HIF1A: variants seen among roughly 807,000 people sequenced by gnomAD.
The protein encoded by HIF1A is hypoxia-inducible factor 1-alpha.
In HIF1A, 24 loss-of-function variants were observed where a neutral mutation model predicts 92.7. That is an observed-to-expected ratio of 0.26 (90% confidence interval 0.19 to 0.36). The LOEUF (loss-of-function observed/expected upper bound fraction) is 0.36, where lower values mean the gene tolerates loss of function less well. Ranked by LOEUF, HIF1A falls within the 10% of genes least tolerant of loss-of-function variation. HIF1A has a pLI of 1.00. For synonymous variants in HIF1A, 319 were observed against 338.7 expected, an observed-to-expected ratio of 0.94 and a Z score of 0.64; for missense variants, 799 against 998.5, an observed-to-expected ratio of 0.80 and a Z score of 2.69.
chr14:61,727,995 G>A (rs917174140), intron 6 of HIF1A, among the ~76,000 whole-genome samples: 1 of 143,438 alleles, frequency 7.0e-6, no homozygotes, highest in Non-Finnish European at 1.5e-5. Context: ...TGCAAGCCTG[G>A]ATGACAGAGC....
chr14:61,704,160 G>C (rs1047276884), intron 1 of HIF1A, among the ~76,000 whole-genome samples: 1 of 152,148 alleles, frequency 6.6e-6, no homozygotes, highest in East Asian at 1.9e-4. Flanking sequence ...CACAAAGTAA[G>C]GGCTTAATTA....
intron 1 of HIF1A, among the ~76,000 whole-genome samples, chr14:61,700,345 TTC>T (rs1396180816): frequency 6.6e-6 from 1 of 152,156 alleles, no homozygotes; most frequent in Non-Finnish European, 1.5e-5. Context: ...CCATTTTACT[TTC>T]TGTTTCTGCA....
chr14:61,732,651 G>A, intron 7 of HIF1A, 127 bp downstream of exon 7: 1 of 528,124 alleles, frequency 1.9e-6, no homozygotes, highest in Non-Finnish European at 3.4e-6. Flanking sequence ...GGCCTATTCA[G>A]TAGAGATCTT....
In HIF1A at chr14:61,695,803, C is replaced by A; in HGVS notation, c.-2C>A. 1 of 1,597,020 alleles carries A rather than the reference C, an allele frequency of 6.3e-7. No homozygotes were observed. Among genetic ancestry groups the A allele is most frequent in the Non-Finnish European group, 8.5e-7 (1 of 1,173,376 alleles). ...TGAAGACATCGCGGGGACCGATTCA[C>A]CATGGAGGGCGCCGGCGGCGCGAAC... On this transcript the variant is annotated 5_prime_UTR_variant, in exon 1 of 15. Transcript: ENST00000337138.
chr14:61,711,152 C>T (rs1284265648), intron 1 of HIF1A, among the ~76,000 whole-genome samples: 1 of 151,126 alleles, frequency 6.6e-6, no homozygotes, highest in African/African-American at 2.4e-5. Context: ...TTAGTAAACT[C>T]CTGTTTCTGC....
chr14:61,733,797 T>C (rs1036174387), intron 7 of HIF1A, among the ~76,000 whole-genome samples: 31 of 152,178 alleles, frequency 2.0e-4, no homozygotes, highest in Non-Finnish European at 4.4e-5. Context: ...AAGGAAGTTA[T>C]TGTGGCACCA....
chr14:61,718,052 A>G (rs896848143), intron 1 of HIF1A, among the ~76,000 whole-genome samples: 6 of 151,820 alleles, frequency 4.0e-5, no homozygotes, highest in Non-Finnish European at 5.9e-5. Context: ...AGCACATATT[A>G]TAAGGTTTTC....
chr14:61,698,403 T>C (rs534583386), intron 1 of HIF1A, among the ~76,000 whole-genome samples: 13 of 152,352 alleles, frequency 8.5e-5, no homozygotes, highest in African/African-American at 2.9e-4. Flanking sequence ...TCTTTCCTCC[T>C]TTTGAAATGA....
intron 1 of HIF1A, among the ~76,000 whole-genome samples, chr14:61,703,019 GCTCTTAATACT>G (rs2044195066): frequency 6.6e-6 from 1 of 152,120 alleles, no homozygotes; most frequent in Non-Finnish European, 1.5e-5. Flanking sequence ...ATAATATATG[GCTCTTAATACT>G]CTCCAGATTT....
intron 1 of HIF1A, among the ~76,000 whole-genome samples, chr14:61,715,204 C>G (rs1377743372): frequency 1.3e-5 from 2 of 152,116 alleles, no homozygotes; most frequent in African/African-American, 4.8e-5. Flanking sequence ...TTGGCATTAC[C>G]GGAAGGGATT....
At chr14:61,700,847 G>A (rs2044169721) in intron 1 of HIF1A, among the ~76,000 whole-genome samples, 1 of 152,072 alleles carries the variant, frequency 6.6e-6, no homozygotes, top group Admixed American at 6.5e-5. Context: ...ATCTAATGTG[G>A]CAAAGTGGTA....
intron 1 of HIF1A, among the ~76,000 whole-genome samples, chr14:61,697,085 C>T (rs1415877164): frequency 6.6e-6 from 1 of 152,194 alleles, no homozygotes; most frequent in Non-Finnish European, 1.5e-5. Flanking sequence ...GCTGTTAAAT[C>T]CTTCCACTCT....
chr14:61,695,692 C>G lies in HIF1A; in HGVS notation c.-113C>G, dbSNP rs562712065. On this transcript the variant is annotated 5_prime_UTR_variant, in exon 1 of 15. Transcript: ENST00000337138. ...CGAGGGGTTTCCCGCCTCGCACCCC[C>G]ACCTCTGGACTTGCCTTTCCTTCTC... The G allele has an allele frequency of 2.6e-6, 3 of 1,154,350 alleles. No homozygotes were observed. The highest frequency in any genetic ancestry group is 3.7e-6 in the Non-Finnish European group (3 of 815,454). The allele number at this position is 1,154,350 out of a possible 1,614,324, so 71.5% of individuals were successfully genotyped here. A position where few individuals can be genotyped will look rare whatever the true frequency, so the allele number is the denominator to read the frequency against.
chr14:61,712,035 T>G (rs997607724), intron 1 of HIF1A, among the ~76,000 whole-genome samples: 1 of 152,170 alleles, frequency 6.6e-6, no homozygotes, highest in Non-Finnish European at 1.5e-5. Flanking sequence ...GAACTTACTT[T>G]CCAGTGAAGG....
At chr14:61,730,698 CATT>C (rs2044566256) in intron 6 of HIF1A, among the ~76,000 whole-genome samples, 1 of 152,152 alleles carries the variant, frequency 6.6e-6, no homozygotes, top group South Asian at 2.1e-4. Flanking sequence ...GCATTTATCA[CATT>C]ATTTCCTAAG....
chr14:61,722,700 T>G (rs2044448474), intron 4 of HIF1A, among the ~76,000 whole-genome samples: 1 of 152,220 alleles, frequency 6.6e-6, no homozygotes, highest in Non-Finnish European at 1.5e-5. Context: ...ATTTGACTTC[T>G]TTGGATGTTC....
chr14:61,733,682 T>C lies in HIF1A; in HGVS notation c.881-456T>C, dbSNP rs554600319. The stretch of plus-strand genomic sequence containing the variant: ...ACTTTCTCCCAAATCAGTATTTAAT[T>C]TAAATTGCCAAAAGACTTACAATGT... On this transcript the variant is annotated intron_variant, in intron 7 of 14. Coordinates refer to ENST00000337138, the MANE Select transcript of HIF1A (RefSeq NM_001530.4). Among the ~76,000 whole-genome samples, 3 of 152,348 alleles carry C rather than the reference T, an allele frequency of 2.0e-5. No homozygotes were observed. The East Asian group carries it at 5.8e-4, about 29-fold the overall frequency.
chr14:61,744,461 A>G (rs1247259642), intron 12 of HIF1A, among the ~76,000 whole-genome samples: 1 of 151,156 alleles, frequency 6.6e-6, no homozygotes, highest in Non-Finnish European at 1.5e-5. Context: ...TGCAGTAAGC[A>G]GAGATCACGT....
At chr14:61,744,310 C>T (rs933919811) in intron 12 of HIF1A, among the ~76,000 whole-genome samples, 4 of 151,914 alleles carry the variant, frequency 2.6e-5, no homozygotes, top group Admixed American at 2.0e-4. Flanking sequence ...AGATCACTTG[C>T]GCTCAGGAGT....
Sources: allele counts gnomAD v4.1 joint callset (sites outside exome capture counted in the v4.1 genomes callset), GRCh38; gene constraint gnomAD v4.1.1; transcripts MANE v1.5; gene names NCBI Gene and HGNC (gene_info 2026-07-23, HGNC 2026-07-21).